Variants in NDC80 observed in about 807,000 individuals in gnomAD.
NDC80 encodes the protein NDC80 kinetochore complex component.
A neutral mutation model predicts 89.3 loss-of-function variants in NDC80; 69 were observed. The ratio of observed to expected loss-of-function variants is 0.77; its 90% confidence interval spans 0.64 to 0.94. The LOEUF is 0.94. Ranked by LOEUF, NDC80 falls within the 40% of genes least tolerant of loss-of-function variation. NDC80 has a pLI of 0.00. For synonymous variants in NDC80, 243 were observed against 255.6 expected (o/e 0.95, Z 0.47); for missense variants, 593 against 739.6 (o/e 0.80, Z 2.30).
chr18:2,592,323 C>CATATTTAATTTTTAAATTAA (rs959083666), intron 10 of NDC80, among the ~76,000 whole-genome samples: 2 of 151,296 alleles, frequency 1.3e-5, no homozygotes, highest in African/African-American at 2.4e-5. Flanking sequence ...GTGGATGAGA[C>CATATTTAATTTTTAAATTAA]ATATTTAAAT....
chr18:2,603,922 C>T (rs2072697397), intron 13 of NDC80, among the ~76,000 whole-genome samples: 1 of 152,062 alleles, frequency 6.6e-6, no homozygotes, highest in South Asian at 2.1e-4. Context: ...CATAAAGAGA[C>T]CTAATTCATT....
intron 14 of NDC80, 124 bp downstream of exon 14, chr18:2,606,631 G>T: frequency 2.0e-6 from 1 of 503,310 alleles, no homozygotes. Context: ...TTTGTATCTT[G>T]GGTTAGTTTT....
At position 2,601,410 on chromosome 18, in the gene NDC80, A is replaced by G; in HGVS notation, c.1389A>G (p.Glu463=). The G allele has an allele frequency of 2.0e-6, 3 of 1,511,186 alleles. No individual in the cohort carries two copies. The highest frequency in any genetic ancestry group is 2.7e-6 in the Non-Finnish European group (3 of 1,111,102). The allele number at this position is 1,511,186 out of a possible 1,614,324, so 93.6% of individuals were successfully genotyped here. A position where few individuals can be genotyped will look rare whatever the true frequency, so the allele number is the denominator to read the frequency against. ...YRAQVYVPLK[E]LLNETEEEIN... ...GTATTTTATAGGTACCTCTTAAGGA[A>G]CTCCTGAATGAAACTGAAGAAGAAA... The change falls in exon 13 of 17, where the codon GAA becomes GAG. Residue 463 remains glutamate (E), a synonymous_variant. Transcript: ENST00000261597.
At position 2,595,574 on chromosome 18, in the gene NDC80, C is replaced by A; in HGVS notation, c.1174C>A (p.Gln392Lys). The change falls in exon 11 of 17, where the codon CAG (glutamine) becomes AAG (lysine). Residue 392 changes from glutamine to lysine, a missense_variant. Transcript: ENST00000261597. ...KLTKDLEAEQ[Q>K]KLWNEELKYA... Reference sequence around the variant, plus strand: ...AACCAAGGACCTGGAAGCTGAACAACAGAAGTTGTGGAATGAGGAGTTAAA... The same window carrying A: ...AACCAAGGACCTGGAAGCTGAACAAAAGAAGTTGTGGAATGAGGAGTTAAA... 1 of 1,613,704 alleles carries A rather than the reference C, an allele frequency of 6.2e-7. No individual in the cohort carries two copies. The highest frequency in any genetic ancestry group is 8.5e-7 in the Non-Finnish European group (1 of 1,179,756).
In NDC80 at chr18:2,614,544, GAAGGAAGGAAGGAAGGA is replaced by G. The variant is rs1568015903; in HGVS notation, c.1792-1891_1792-1875del. ...GGAAGGAAGGAAGGAAGGAAGGAAG[GAAGGAAGGAAGGAAGGA>G]AGGGAAAGAAAGAAAGAAAGAAAGA... On this transcript the variant is annotated intron_variant, in intron 16 of 16. Transcript: ENST00000261597. The G allele has an allele frequency of 5.8e-3, 23 of 3,960 alleles. 8 individuals carry two copies. Among genetic ancestry groups the G allele is most frequent in the African/African-American group, 0.045 (23 of 516 alleles). The allele number at this position is 3,960 out of a possible 1,614,324, so 0.2% of individuals were successfully genotyped here.
intron 2 of NDC80, among the ~76,000 whole-genome samples, chr18:2,574,243 G>A (rs1011008766): frequency 1.3e-5 from 2 of 152,154 alleles, no homozygotes; most frequent in Non-Finnish European, 2.9e-5. Flanking sequence ...AATAGGGAGA[G>A]ATCTGTTAAA....
chr18:2,592,905 A>C (rs2072634344), intron 10 of NDC80, among the ~76,000 whole-genome samples: 2 of 152,112 alleles, frequency 1.3e-5, no homozygotes, highest in Non-Finnish European at 2.9e-5. Context: ...AATATAGGCC[A>C]TGAGTCACAG....
intron 14 of NDC80, among the ~76,000 whole-genome samples, chr18:2,608,050 C>T (rs1367365838): frequency 7.5e-6 from 1 of 133,060 alleles, no homozygotes; most frequent in Admixed American, 7.9e-5. Flanking sequence ...TTCAACTGAC[C>T]AATAATGTTG....
chr18:2,600,979 A>G (rs549161674), intron 12 of NDC80, among the ~76,000 whole-genome samples: 1 of 152,372 alleles, frequency 6.6e-6, no homozygotes, highest in East Asian at 1.9e-4. Flanking sequence ...AATAAACATA[A>G]GAAATACAGG....
chr18:2,596,106 C>T (rs1033762808), intron 11 of NDC80, among the ~76,000 whole-genome samples: 3 of 152,134 alleles, frequency 2.0e-5, no homozygotes, highest in Non-Finnish European at 2.9e-5. Context: ...ACTGAGGAAA[C>T]ATATAGTACA....
At chr18:2,614,760 C>G (rs944148055) in intron 16 of NDC80, among the ~76,000 whole-genome samples, 8 of 152,092 alleles carry the variant, frequency 5.3e-5, no homozygotes, top group Non-Finnish European at 8.8e-5. Context: ...GAATAGTGCC[C>G]CCCGCAAAAG....
At chr18:2,608,599 C>A in intron 14 of NDC80, 101 bp from the exon 15 acceptor site, 2 of 1,263,340 alleles carry the variant, frequency 1.6e-6, no homozygotes, top group East Asian at 2.5e-5. Context: ...AATGATGCAA[C>A]CTGATTTTAT....
intron 13 of NDC80, among the ~76,000 whole-genome samples, chr18:2,606,190 T>C (rs900045077): frequency 3.5e-4 from 53 of 151,660 alleles, no homozygotes; most frequent in African/African-American, 1.2e-3. Context: ...CCACAACAAC[T>C]AGTGGAAAAA....
chr18:2,578,049 C>A lies in NDC80; in HGVS notation c.384C>A (p.Ile128=). ...QAPSVKDFLK[I]FTFLYGFLCP... is the part of the protein sequence containing the mutation. ...CCTCTGTTAAAGACTTCCTGAAGAT[C>A]TTCACATTTCTTTATGGCTTCCTGT... The change falls in exon 5 of 17, where the codon ATC becomes ATA. Residue 128 remains isoleucine, a synonymous_variant. Coordinates refer to ENST00000261597, the MANE Select transcript of NDC80 (RefSeq NM_006101.3). The A allele has an allele frequency of 6.2e-7, 1 of 1,614,036 alleles. No homozygotes were observed. Among genetic ancestry groups the A allele is most frequent in the Non-Finnish European group, 8.5e-7 (1 of 1,179,972 alleles).
At position 2,573,085 on chromosome 18, in the gene NDC80, A is replaced by G; in HGVS notation, c.100A>G (p.Thr34Ala). The change falls in exon 2 of 17, where the codon ACC becomes GCC. Residue 34 changes from threonine to alanine, a missense_variant and splice_region_variant. Coordinates refer to ENST00000261597, the MANE Select transcript of NDC80 (RefSeq NM_006101.3). ...TAAACAAGGCCTCTATACCCCTCAA[A>G]CGTGAGTATTTCCCTTGTGGTTCTA... ...VNKQGLYTPQ[T>A]KEKPTFGKLS... is the part of the protein sequence containing the mutation. The G allele has an allele frequency of 3.7e-6, 6 of 1,607,858 alleles. No homozygotes were observed. The highest frequency in any genetic ancestry group is 5.1e-6 in the Non-Finnish European group (6 of 1,176,624).
intron 6 of NDC80, among the ~76,000 whole-genome samples, chr18:2,580,612 C>A (rs2072571773): frequency 6.6e-6 from 1 of 151,734 alleles, no homozygotes; most frequent in Non-Finnish European, 1.5e-5. Flanking sequence ...AATGCCATAG[C>A]CCATTAATAA....
intron 13 of NDC80, among the ~76,000 whole-genome samples, chr18:2,604,871 A>G (rs549228816): frequency 2.0e-5 from 3 of 152,262 alleles, no homozygotes; most frequent in Admixed American, 2.0e-4. Flanking sequence ...AATTATTGTT[A>G]TTTTAGTAAT....
chr18:2,612,348 G>A (rs1159839549), intron 16 of NDC80, among the ~76,000 whole-genome samples: 1 of 126,180 alleles, frequency 7.9e-6, no homozygotes, highest in Non-Finnish European at 1.6e-5. Context: ...GTAGTGCAAT[G>A]GCGCGATCTC....
At position 2,578,144 on chromosome 18, in the gene NDC80, A is replaced by G. The variant is rs1256320279; in HGVS notation, c.476+3A>G. ...CCAAGAATCTTTAAAGACCTTGGGT[A>G]TGTATATTTCTTATTAGTTTAGAGA... On this transcript the variant is annotated splice_donor_region_variant and intron_variant, in intron 5 of 16. Transcript: ENST00000261597. The G allele has an allele frequency of 6.2e-7, 1 of 1,612,106 alleles. No individual in the cohort carries two copies. Among genetic ancestry groups the G allele is most frequent in the Non-Finnish European group, 8.5e-7 (1 of 1,179,038 alleles).
Sources: allele counts gnomAD v4.1 joint callset (sites outside exome capture counted in the v4.1 genomes callset), GRCh38; gene constraint gnomAD v4.1.1; transcripts MANE v1.5; gene names NCBI Gene and HGNC (gene_info 2026-07-23, HGNC 2026-07-21).